CASR: variants seen among roughly 807,000 people sequenced by gnomAD.
CASR encodes extracellular calcium-sensing receptor.
CASR carries 23 observed loss-of-function variants against 69.1 expected under a neutral mutation model. That is an observed-to-expected ratio of 0.33 (90% CI 0.24 to 0.47). CASR has a LOEUF of 0.47. CASR is among the 20% of genes least tolerant of loss of function. The pLI is 1.00. For synonymous variants in CASR, 541 were observed against 544.7 expected, an observed-to-expected ratio of 0.99 and a Z score of 0.10; for missense variants, 924 against 1,356.1, an observed-to-expected ratio of 0.68 and a Z score of 5.00.
At chr3:122,202,935 G>A (rs2073972136) in intron 1 of CASR, among the ~76,000 whole-genome samples, 1 of 152,148 alleles carries the variant, frequency 6.6e-6, no homozygotes, top group Admixed American at 6.5e-5. Flanking sequence ...CCAATACACA[G>A]TACCATCTGT....
At chr3:122,199,587 G>GT (rs1259431250) in intron 1 of CASR, among the ~76,000 whole-genome samples, 1 of 151,944 alleles carries the variant, frequency 6.6e-6, no homozygotes, top group Non-Finnish European at 1.5e-5. Context: ...TCTTTTTTCT[G>GT]TGTAAAAATA....
chr3:122,216,853 T>C (rs1380712794), intron 1 of CASR, among the ~76,000 whole-genome samples: 18 of 152,248 alleles, frequency 1.2e-4, no homozygotes, highest in Admixed American at 7.9e-4. Flanking sequence ...CTGTTAATCA[T>C]GCATAATTTA....
At chr3:122,259,716 G>T (rs1576856453) in intron 3 of CASR, among the ~76,000 whole-genome samples, 4 of 143,154 alleles carry the variant, frequency 2.8e-5, no homozygotes. Flanking sequence ...TGCAAGCTCT[G>T]CCTCCCGGGT....
intron 1 of CASR, among the ~76,000 whole-genome samples, chr3:122,200,826 A>G (rs1470933055): frequency 6.6e-6 from 1 of 152,174 alleles, no homozygotes; most frequent in East Asian, 1.9e-4. Flanking sequence ...AAACTTGTTC[A>G]TTAGTGTAAG....
intron 1 of CASR, among the ~76,000 whole-genome samples, chr3:122,243,295 C>T (rs981139014): frequency 1.4e-4 from 22 of 152,146 alleles, no homozygotes; most frequent in African/African-American, 5.3e-4. Context: ...GATTAATAAC[C>T]AGAATATTAC....
At chr3:122,229,266 G>A (rs2074256932) in intron 1 of CASR, among the ~76,000 whole-genome samples, 1 of 151,702 alleles carries the variant, frequency 6.6e-6, no homozygotes, top group South Asian at 2.1e-4. Flanking sequence ...CTCAAAATCA[G>A]GCCACTCTTC....
At chr3:122,278,321 A>G (rs886555283) in intron 5 of CASR, among the ~76,000 whole-genome samples, 6 of 152,240 alleles carry the variant, frequency 3.9e-5, no homozygotes, top group African/African-American at 1.4e-4. Flanking sequence ...AGTTGATGAC[A>G]CTGAGGTTTT....
intron 4 of CASR, among the ~76,000 whole-genome samples, chr3:122,270,039 A>G (rs775101662): frequency 2.4e-4 from 36 of 152,060 alleles, no homozygotes; most frequent in Non-Finnish European, 4.6e-4. Context: ...ATGGGGTTTC[A>G]CCATGTCGAC....
chr3:122,191,515 T>C (rs2107580234), intron 1 of CASR, among the ~76,000 whole-genome samples: 1 of 152,184 alleles, frequency 6.6e-6, no homozygotes, highest in East Asian at 1.9e-4. Context: ...TTTTACCATG[T>C]TGCCCAGGCT....
chr3:122,232,083 T>G (rs2074284079), intron 1 of CASR, among the ~76,000 whole-genome samples: 1 of 152,202 alleles, frequency 6.6e-6, no homozygotes, highest in Non-Finnish European at 1.5e-5. Context: ...TTCAGCTTGT[T>G]GTATTCTTTC....
chr3:122,192,316 G>A (rs775656513), intron 1 of CASR, among the ~76,000 whole-genome samples: 2 of 152,184 alleles, frequency 1.3e-5, no homozygotes, highest in East Asian at 1.9e-4. Context: ...CAAAGGGGAC[G>A]ATAAGAGTAT....
rs1395981185 is a variant in CASR at position 122,268,010 on chromosome 3, A to G, written c.1377+5598A>G. ...GGCAACTTAATAGATGTCTAATTTC[A>G]CTCCTGCATGTGAGTAGGTAGTATA... On this transcript the variant is annotated intron_variant, in intron 4 of 6. Coordinates refer to ENST00000639785, the MANE Select transcript of CASR (RefSeq NM_000388.4). 5.3e-5 allele frequency among the ~76,000 whole-genome samples: 8 copies of G among 152,116 alleles called. No homozygotes were observed. In the East Asian group the frequency reaches 1.5e-3, roughly 29 times the overall value.
intron 1 of CASR, among the ~76,000 whole-genome samples, chr3:122,217,013 T>C (rs1450057715): frequency 1.3e-5 from 2 of 152,228 alleles, no homozygotes; most frequent in African/African-American, 2.4e-5. Flanking sequence ...CACGTGGAGC[T>C]GACTGTCTAA....
At chr3:122,203,357 G>A (rs1459740107) in intron 1 of CASR, among the ~76,000 whole-genome samples, 4 of 152,074 alleles carry the variant, frequency 2.6e-5, no homozygotes, top group Non-Finnish European at 5.9e-5. Flanking sequence ...ATTATTGTTC[G>A]AACATCACAG....
At chr3:122,269,191 T>C (rs1559962544) in intron 4 of CASR, among the ~76,000 whole-genome samples, 1 of 152,210 alleles carries the variant, frequency 6.6e-6, no homozygotes, top group East Asian at 1.9e-4. Flanking sequence ...CAGTTTAGAA[T>C]TTAGATCATA....
intron 1 of CASR, among the ~76,000 whole-genome samples, chr3:122,218,825 T>C (rs2074143568): frequency 6.6e-6 from 1 of 152,160 alleles, no homozygotes; most frequent in Non-Finnish European, 1.5e-5. Flanking sequence ...AAATTATAAT[T>C]ACATATTACA....
intron 1 of CASR, among the ~76,000 whole-genome samples, chr3:122,206,018 A>G (rs1196766716): frequency 6.6e-6 from 1 of 151,900 alleles, no homozygotes; most frequent in African/African-American, 2.4e-5. Context: ...TCTGTAGATA[A>G]GGCTAATTTG....
At chr3:122,233,158 A>G (rs542529296) in intron 1 of CASR, among the ~76,000 whole-genome samples, 66 of 152,332 alleles carry the variant, frequency 4.3e-4, no homozygotes, top group Middle Eastern at 3.4e-3. Context: ...TTCTGACAGC[A>G]TGCAAAGCTC....
chr3:122,288,228 G>C lies in CASR; in HGVS notation c.*3037G>C, dbSNP rs911695046. 2.0e-5 allele frequency: 3 copies of C among 152,178 alleles called. No homozygotes were observed. The highest frequency in any genetic ancestry group is 7.2e-5 in the African/African-American group (3 of 41,422). The allele number at this position is 152,178 out of a possible 1,614,324, so 9.4% of individuals were successfully genotyped here. ...ACTGGCCTGTACTGCCTTTGCGTAG[G>C]GAAGTGGACATGAGCTGAGGAAGGC... On this transcript the variant is annotated 3_prime_UTR_variant, in exon 7 of 7. Coordinates refer to ENST00000639785, the MANE Select transcript of CASR (RefSeq NM_000388.4).
Sources: gnomAD v4.1 joint callset for allele counts (sites outside exome capture counted in the v4.1 genomes callset) on GRCh38, gnomAD v4.1.1 for gene constraint, MANE v1.5 for transcripts, NCBI Gene and HGNC (gene_info 2026-07-23, HGNC 2026-07-21) for gene names.